Variants in ARFIP1 observed in about 807,000 individuals in gnomAD.
ARFIP1 encodes ARF interacting protein 1.
In ARFIP1, 24 loss-of-function variants were observed where a neutral mutation model predicts 42.5. That is an observed-to-expected ratio of 0.57 (90% CI 0.41 to 0.80). ARFIP1 has a LOEUF of 0.80. Among genes scored for constraint, ARFIP1 ranks in the 30% least tolerant of loss-of-function variants. ARFIP1 has a pLI of 0.00. For missense variants in ARFIP1, 354 were observed against 434.0 expected (o/e 0.82, Z 1.64); for synonymous variants, 141 against 153.7 (o/e 0.92, Z 0.61).
At chr4:152,812,271 G>A (rs1158478594) in intron 1 of ARFIP1, among the ~76,000 whole-genome samples, 2 of 152,150 alleles carry the variant, frequency 1.3e-5, no homozygotes, top group African/African-American at 4.8e-5. Flanking sequence ...CATGGCTCAC[G>A]GCAACTGTGA....
At chr4:152,899,053 T>TA (rs1254672670) in intron 8 of ARFIP1, among the ~76,000 whole-genome samples, 1 of 152,186 alleles carries the variant, frequency 6.6e-6, no homozygotes, top group East Asian at 1.9e-4. Flanking sequence ...TTTCGTCACT[T>TA]ACCAGATAGC....
chr4:152,841,240 C>T (rs528174006), intron 2 of ARFIP1, among the ~76,000 whole-genome samples: 6 of 151,972 alleles, frequency 3.9e-5, no homozygotes, highest in South Asian at 2.1e-4. Context: ...TTCACCATGT[C>T]GGCCAGGATG....
At position 152,846,639 on chromosome 4, in the gene ARFIP1, T is replaced by A. The variant is rs540967267; in HGVS notation, c.93+16913T>A. On this transcript the variant is annotated intron_variant, in intron 2 of 8. Transcript: ENST00000353617. The stretch of plus-strand genomic sequence containing the variant: ...CTCCAAATTCATTTTTCTATTTTAA[T>A]AGAGATAAAATTTTATAGAGAAAAT... Among the ~76,000 whole-genome samples the A allele has an allele frequency of 1.2e-4, 18 of 152,264 alleles. No individual in the cohort carries two copies. The South Asian group carries it at 3.7e-3, about 32-fold the overall frequency.
At chr4:152,816,439 T>TA (rs1288472192) in intron 1 of ARFIP1, among the ~76,000 whole-genome samples, 1 of 152,228 alleles carries the variant, frequency 6.6e-6, no homozygotes, top group African/African-American at 2.4e-5. Context: ...TACTTGTACT[T>TA]ACTGTTCTCT....
At position 152,906,422 on chromosome 4, in the gene ARFIP1, G is replaced by A. The variant is rs201171671; in HGVS notation, c.967-3642G>A. Among the ~76,000 whole-genome samples the A allele has an allele frequency of 3.9e-5, 6 of 152,206 alleles. No homozygotes were observed. In the East Asian group the frequency reaches 1.2e-3, roughly 29 times the overall value. Reference sequence around the variant, plus strand: ...GCAACTTCATTCTTTCAGTTGCTTGGAGCAAAACTCTTAGCACATCTTTGA... The same window carrying A: ...GCAACTTCATTCTTTCAGTTGCTTGAAGCAAAACTCTTAGCACATCTTTGA... On this transcript the variant is annotated intron_variant, in intron 8 of 8. Coordinates refer to ENST00000353617, the MANE Select transcript of ARFIP1 (RefSeq NM_001025595.3).
chr4:152,872,483 A>G lies in ARFIP1; in HGVS notation c.330A>G (p.Pro110=). Reference sequence around the variant, plus strand: ...AGAGAACACAGACAAAAAGTGGACCAGTTATTCTAGCAGATGAAATTAAAA... The same window carrying G: ...AGAGAACACAGACAAAAAGTGGACCGGTTATTCTAGCAGATGAAATTAAAA... The part of the protein sequence containing the change: ...GGQRTQTKSG[P]VILADEIKNP... Residue 110 remains proline (P), a synonymous_variant, in exon 5 of 9, where the codon CCA becomes CCG. Transcript: ENST00000353617. The G allele has an allele frequency of 1.2e-6, 2 of 1,611,852 alleles. No individual in the cohort carries two copies. Among genetic ancestry groups the G allele is most frequent in the Admixed American group, 1.7e-5 (1 of 59,664 alleles).
At chr4:152,824,158 C>A (rs972903809) in intron 1 of ARFIP1, among the ~76,000 whole-genome samples, 3 of 151,556 alleles carry the variant, frequency 2.0e-5, no homozygotes, top group Admixed American at 6.6e-5. Context: ...ACTAAAAATA[C>A]AAAAATTAGC....
chr4:152,803,857 C>T (rs1728617997), intron 1 of ARFIP1, among the ~76,000 whole-genome samples: 1 of 150,572 alleles, frequency 6.6e-6, no homozygotes, highest in Non-Finnish European at 1.5e-5. Context: ...AGGGGTGCTG[C>T]TCTTAACTGC....
chr4:152,798,219 C>T (rs560762547), intron 1 of ARFIP1, among the ~76,000 whole-genome samples: 10 of 150,956 alleles, frequency 6.6e-5, no homozygotes, highest in East Asian at 3.9e-4. Context: ...GCCAAGATCG[C>T]GCCACTGCAC....
At chr4:152,831,659 G>A (rs1731248898) in intron 2 of ARFIP1, among the ~76,000 whole-genome samples, 1 of 152,134 alleles carries the variant, frequency 6.6e-6, no homozygotes, top group Non-Finnish European at 1.5e-5. Flanking sequence ...GGCTGTTTCT[G>A]AAATACCTAT....
At chr4:152,898,575 G>A (rs76633145) in intron 8 of ARFIP1, among the ~76,000 whole-genome samples, 3,733 of 152,212 alleles carry the variant, frequency 0.025, 109 homozygotes, top group South Asian at 0.079. Context: ...ATCACAGACT[G>A]CCTACGGAGA....
intron 8 of ARFIP1, among the ~76,000 whole-genome samples, chr4:152,900,933 A>G (rs527565520): frequency 1.3e-3 from 202 of 152,366 alleles, no homozygotes; most frequent in Non-Finnish European, 1.6e-3. Context: ...TGGGAAAGCC[A>G]GTAACTGCTT....
intron 1 of ARFIP1, among the ~76,000 whole-genome samples, chr4:152,829,154 C>T (rs1406198837): frequency 2.0e-5 from 3 of 152,154 alleles, no homozygotes; most frequent in Non-Finnish European, 2.9e-5. Context: ...GTGATAGACA[C>T]GGAATTATTT....
chr4:152,796,620 G>C, intron 1 of ARFIP1: 1 of 883,364 alleles, frequency 1.1e-6, no homozygotes, highest in South Asian at 1.4e-5. Flanking sequence ...TCTTTTGTTT[G>C]GTGTTTCTCT....
At chr4:152,842,129 T>G (rs952360823) in intron 2 of ARFIP1, among the ~76,000 whole-genome samples, 1 of 151,972 alleles carries the variant, frequency 6.6e-6, no homozygotes, top group African/African-American at 2.4e-5. Flanking sequence ...ACCAATCAGA[T>G]AGTAAAGAGA....
At chr4:152,871,303 GATT>G (rs1260257482) in intron 4 of ARFIP1, among the ~76,000 whole-genome samples, 1 of 152,146 alleles carries the variant, frequency 6.6e-6, no homozygotes, top group Non-Finnish European at 1.5e-5. Context: ...ATAGTTTGCA[GATT>G]GCAACACAAT....
At chr4:152,783,892 GTAT>G (rs1209125573) in intron 1 of ARFIP1, among the ~76,000 whole-genome samples, 1 of 151,908 alleles carries the variant, frequency 6.6e-6, no homozygotes, top group Admixed American at 6.6e-5. Flanking sequence ...AGAATTGTAA[GTAT>G]TATAAATTCT....
chr4:152,817,877 G>A (rs1730031626), intron 1 of ARFIP1, among the ~76,000 whole-genome samples: 1 of 152,112 alleles, frequency 6.6e-6, no homozygotes, highest in African/African-American at 2.4e-5. Context: ...TTAACCATTA[G>A]GGTAATGCAA....
chr4:152,820,954 C>T (rs1032976198), intron 1 of ARFIP1, among the ~76,000 whole-genome samples: 1 of 152,012 alleles, frequency 6.6e-6, no homozygotes, highest in Non-Finnish European at 1.5e-5. Flanking sequence ...GTCACATGCT[C>T]AAGGGGGAGA....
Sources: gnomAD v4.1 joint callset for allele counts (sites outside exome capture counted in the v4.1 genomes callset) on GRCh38, gnomAD v4.1.1 for gene constraint, MANE v1.5 for transcripts, NCBI Gene and HGNC (gene_info 2026-07-23, HGNC 2026-07-21) for gene names.